The following ZNF66 variants were observed in gnomAD, a reference collection of about 807,000 sequenced individuals.
The protein encoded by ZNF66 is putative zinc finger protein 66.
A neutral mutation model predicts 35.2 loss-of-function variants in ZNF66; 32 were observed. That is an observed-to-expected ratio of 0.91 (90% CI 0.69 to 1.22). The LOEUF (loss-of-function observed/expected upper bound fraction) is 1.22. ZNF66 is among the 50% of genes most tolerant of loss of function. ZNF66 has a pLI of 0.00. For synonymous variants in ZNF66, 231 were observed against 181.3 expected (o/e 1.27, Z -2.20); for missense variants, 666 against 543.1 (o/e 1.23, Z -2.25).
In ZNF66 at chr19:20,806,041, T is replaced by G; in HGVS notation, c.441T>G (p.Cys147Trp). ...LTTTQSKMFQ[C>W]DKHGKVFHQF... Reference sequence around the variant, plus strand: ...CTACCCAAAGCAAAATGTTTCAATGTGATAAACATGGGAAAGTCTTTCATC... The same window carrying G: ...CTACCCAAAGCAAAATGTTTCAATGGGATAAACATGGGAAAGTCTTTCATC... Residue 147 changes from cysteine (C) to tryptophan (W), a missense_variant, in exon 4 of 4, where the codon TGT becomes TGG. By Grantham distance (215) the Cys-to-Trp change is radical. Coordinates refer to ENST00000344519, the MANE Select transcript of ZNF66 (RefSeq NM_001355197.2). The G allele has an allele frequency of 2.4e-6, 2 of 832,388 alleles. No homozygotes were observed. Among genetic ancestry groups the G allele is most frequent in the Non-Finnish European group, 4.1e-6 (2 of 484,914 alleles). The allele number at this position is 832,388 out of a possible 1,614,324, so 51.6% of individuals were successfully genotyped here.
rs1302919967 is a variant in ZNF66 at position 20,776,377 on chromosome 19, CTG to C, written c.-68_-67del. The C allele has an allele frequency of 1.3e-6, 2 of 1,523,202 alleles. No homozygotes were observed. Among genetic ancestry groups the C allele is most frequent in the Non-Finnish European group, 1.8e-6 (2 of 1,099,628 alleles). The allele number at this position is 1,523,202 out of a possible 1,614,324, so 94.4% of individuals were successfully genotyped here. ...TCTTCTTCTCCTAGAGGCCCAGCCT[CTG>C]TGGCCCTGTGTCCTGCAGGTATTGG... On this transcript the variant is annotated 5_prime_UTR_variant, in exon 1 of 4. Transcript: ENST00000344519.
At chr19:20,777,255 C>CTCTT (rs1971203883) in intron 1 of ZNF66, among the ~76,000 whole-genome samples, 1 of 151,474 alleles carries the variant, frequency 6.6e-6, no homozygotes, top group South Asian at 2.1e-4. Context: ...GAAGAAAAGA[C>CTCTT]ATTTATAAAA....
chr19:20,776,504 C>G, intron 1 of ZNF66, 54 bp downstream of exon 1: 1 of 1,502,620 alleles, frequency 6.7e-7, no homozygotes, highest in Non-Finnish European at 9.2e-7. Context: ...TGGCGGGACT[C>G]AGGCCTCCCC....
chr19:20,779,789 G>T (rs10414418), intron 1 of ZNF66, among the ~76,000 whole-genome samples: 14,039 of 151,522 alleles, frequency 0.093, 670 homozygotes, highest in Middle Eastern at 0.11. Flanking sequence ...ATCAACAGGT[G>T]TGGTGGTGCA....
rs1397055595 is a variant in ZNF66 at position 20,793,321 on chromosome 19, TC to T, written c.131-461del. ...TATTTTCTTTTCTTTTCTTTTCTTT[TC>T]TTTTCTTTTCTTTTTTTTTTTTTTT... On this transcript the variant is annotated intron_variant, in intron 2 of 3. Transcript: ENST00000344519. Among the ~76,000 whole-genome samples the T allele has an allele frequency of 9.5e-3, 769 of 80,734 alleles. 11 individuals carry two copies. The highest frequency in any genetic ancestry group is 0.039 in the South Asian group (97 of 2,514). 53.0% of individuals were successfully genotyped at this position (80,734 alleles called of 152,430 possible).
intron 1 of ZNF66, among the ~76,000 whole-genome samples, chr19:20,782,976 T>A (rs1423765633): frequency 1.3e-5 from 2 of 152,180 alleles, no homozygotes; most frequent in Non-Finnish European, 2.9e-5. Context: ...GATTTTCTTA[T>A]AATTTTAAGT....
chr19:20,795,804 C>A (rs1971386745), intron 3 of ZNF66, among the ~76,000 whole-genome samples: 1 of 152,114 alleles, frequency 6.6e-6, no homozygotes, highest in Non-Finnish European at 1.5e-5. Flanking sequence ...TAAATGGGTG[C>A]CTTCCTCCAG....
chr19:20,793,326 TC>T (rs1311430427), intron 2 of ZNF66, among the ~76,000 whole-genome samples: 3,449 of 76,252 alleles, frequency 0.045, 86 homozygotes, highest in South Asian at 0.11. Context: ...TCTTTTCTTT[TC>T]TTTTCTTTTT....
rs2144928316 is a variant in ZNF66 at position 20,809,789 on chromosome 19, C to T, written c.*2467C>T. Reference sequence around the variant, plus strand: ...TGCATGAACTAACGAGCAAAATAACCAGCTAACATCATAATGACAGCATCA... The same window carrying T: ...TGCATGAACTAACGAGCAAAATAACTAGCTAACATCATAATGACAGCATCA... On this transcript the variant is annotated 3_prime_UTR_variant, in exon 4 of 4. Transcript: ENST00000344519. Among the ~76,000 whole-genome samples, 1 of 151,570 alleles carries T rather than the reference C, an allele frequency of 6.6e-6. No individual in the cohort carries two copies. The highest frequency in any genetic ancestry group is 2.4e-5 in the African/African-American group (1 of 41,304).
Position 20,807,028 on chromosome 19 carries a change from T to C in ZNF66, c.1428T>C (p.Thr476=). 1.1e-6 allele frequency: 1 copy of C among 873,678 alleles called. No individual in the cohort carries two copies. The highest frequency in any genetic ancestry group is 2.0e-6 in the Non-Finnish European group (1 of 509,712). 54.1% of individuals were successfully genotyped at this position (873,678 alleles called of 1,614,324 possible). A position where few individuals can be genotyped will look rare whatever the true frequency, so the allele number is the denominator to read the frequency against. The change falls in exon 4 of 4, where the codon ACT becomes ACC. Residue 476 remains threonine (T), a synonymous_variant. Transcript: ENST00000344519. ...SNLTKHKKIH[T]GEKPYKCEEC... ...TTACTAAACACAAGAAAATTCATAC[T>C]GGAGAGAAGCCTTACAAATGTGAAG...
chr19:20,791,215 T>C (rs1313817811), intron 1 of ZNF66, among the ~76,000 whole-genome samples: 1 of 152,160 alleles, frequency 6.6e-6, no homozygotes, highest in Non-Finnish European at 1.5e-5. Flanking sequence ...TCGGGCGTGG[T>C]GGCTCATGCC....
At chr19:20,784,745 C>T (rs1971272407) in intron 1 of ZNF66, 1 of 152,208 alleles carries the variant, frequency 6.6e-6, no homozygotes, top group East Asian at 1.9e-4. Flanking sequence ...TCATGTTTCT[C>T]ATGGTGAGAG....
intron 1 of ZNF66, among the ~76,000 whole-genome samples, chr19:20,785,794 A>T (rs1248500296): frequency 6.6e-6 from 1 of 150,694 alleles, no homozygotes. Context: ...TAGAGGTCTC[A>T]CTCTGTCACC....
intron 3 of ZNF66, among the ~76,000 whole-genome samples, chr19:20,802,159 G>T (rs1005035754): frequency 6.6e-6 from 1 of 152,058 alleles, no homozygotes; most frequent in East Asian, 1.9e-4. Flanking sequence ...AAATGGTAAT[G>T]CCTCCAACAT....
chr19:20,787,707 G>T (rs1354314255), intron 1 of ZNF66, among the ~76,000 whole-genome samples: 2 of 152,128 alleles, frequency 1.3e-5, no homozygotes, highest in Non-Finnish European at 2.9e-5. Flanking sequence ...AGCATCTTAG[G>T]CATGAGAGAT....
intron 3 of ZNF66, among the ~76,000 whole-genome samples, chr19:20,801,037 ATTATAG>A (rs933812326): frequency 1.6e-4 from 25 of 152,272 alleles, no homozygotes; most frequent in East Asian, 1.5e-3. Flanking sequence ...ATAGATAAAT[ATTATAG>A]TTATAGATTC....
chr19:20,805,859 C>G lies in ZNF66; in HGVS notation c.259C>G (p.Pro87Ala). The G allele has an allele frequency of 1.6e-6, 1 of 617,424 alleles. No individual in the cohort carries two copies. The highest frequency in any genetic ancestry group is 2.6e-5 in the East Asian group (1 of 37,776). The allele number at this position is 617,424 out of a possible 1,614,324, so 38.2% of individuals were successfully genotyped here. Reference protein sequence around the residue: ...LCSHFNQDLWPEQSIKDSFQK... With the variant: ...LCSHFNQDLWAEQSIKDSFQK... ...TTCTCATTTTAACCAAGACCTTTGG[C>G]CAGAGCAGAGCATAAAAGATTCTTT... Residue 87 changes from proline (P) to alanine (A), a missense_variant, in exon 4 of 4, where the codon CCA (proline) becomes GCA (alanine). By Grantham distance (27) the Pro-to-Ala change is conservative. Coordinates refer to ENST00000344519, the MANE Select transcript of ZNF66 (RefSeq NM_001355197.2).
In ZNF66 at chr19:20,807,316, G is replaced by T. The variant is rs763228830; in HGVS notation, c.1716G>T (p.Lys572Asn). 1.6e-6 allele frequency: 1 copy of T among 643,830 alleles called. No individual in the cohort carries two copies. Among genetic ancestry groups the T allele is most frequent in the East Asian group, 2.6e-5 (1 of 38,190 alleles). 39.9% of individuals were successfully genotyped at this position (643,830 alleles called of 1,614,324 possible). ...GNPYKCENVA[K>N]P Reference sequence around the variant, plus strand: ...CCTACAAATGTGAAAATGTGGCAAAGCCTTAGACACTCCTCTACCCTTACT... The same window carrying T: ...CCTACAAATGTGAAAATGTGGCAAATCCTTAGACACTCCTCTACCCTTACT... The change falls in exon 4 of 4, where the codon AAG (lysine) becomes AAT (asparagine). Residue 572 changes from lysine (K) to asparagine (N), a missense_variant. Coordinates refer to ENST00000344519, the MANE Select transcript of ZNF66 (RefSeq NM_001355197.2).
At chr19:20,803,321 T>TAA (rs752066411) in intron 3 of ZNF66, among the ~76,000 whole-genome samples, 14,044 of 151,530 alleles carry the variant, frequency 0.093, 673 homozygotes, top group Middle Eastern at 0.1. Context: ...CTTTTTTTTT[T>TAA]ATCTTTGTAT....
Sources: gnomAD v4.1 joint callset for allele counts (sites outside exome capture counted in the v4.1 genomes callset) on GRCh38, gnomAD v4.1.1 for gene constraint, MANE v1.5 for transcripts, NCBI Gene and HGNC (gene_info 2026-07-23, HGNC 2026-07-21) for gene names.